Variants in GOLGA7 observed in about 807,000 individuals in gnomAD.
GOLGA7 encodes the protein golgin A7, also known as golgin subfamily A member 7.
In GOLGA7, 10 loss-of-function variants were observed where a neutral mutation model predicts 21.1. The ratio of observed to expected loss-of-function variants is 0.47; its 90% CI spans 0.29 to 0.80. The LOEUF (loss-of-function observed/expected upper bound fraction) is 0.80, where lower values mean the gene tolerates loss of function less well. Among genes scored for constraint, GOLGA7 ranks in the 30% least tolerant of loss-of-function variants. The probability of loss-of-function intolerance (pLI) is 0.08; values close to 1 mark genes in which losing one functional copy is unlikely to be tolerated. For synonymous variants in GOLGA7, 64 were observed against 62.6 expected, an observed-to-expected ratio of 1.02 and a Z score of -0.10; for missense variants, 114 against 166.8, an observed-to-expected ratio of 0.68 and a Z score of 1.74.
intron 2 of GOLGA7, among the ~76,000 whole-genome samples, chr8:41,504,763 A>G (rs1806242969): frequency 6.6e-6 from 1 of 152,254 alleles, no homozygotes; most frequent in Non-Finnish European, 1.5e-5. Context: ...AAAATTCTTT[A>G]TATGAAACAG....
At position 41,507,230 on chromosome 8, in the gene GOLGA7, A is replaced by G. The variant is rs1186862440; in HGVS notation, c.*15+109A>G. 3 of 684,042 alleles carry G rather than the reference A, an allele frequency of 4.4e-6. No individual in the cohort carries two copies. The East Asian group carries it at 7.8e-5, about 18-fold the overall frequency. The allele number at this position is 684,042 out of a possible 1,614,324, so 42.4% of individuals were successfully genotyped here. A position where few individuals can be genotyped will look rare whatever the true frequency, so the allele number is the denominator to read the frequency against. On this transcript the variant is annotated intron_variant, in intron 4 of 4. Coordinates refer to ENST00000357743, the MANE Select transcript of GOLGA7 (RefSeq NM_001002296.2). ...TCATTAAATCACGCAGTTAAATAAC[A>G]GTATATTTGCTGTGTTAGCTTAAGC... is the stretch of plus-strand genomic sequence containing the variant.
intron 4 of GOLGA7, among the ~76,000 whole-genome samples, chr8:41,508,419 G>A (rs928629374): frequency 1.3e-5 from 2 of 152,142 alleles, no homozygotes; most frequent in Non-Finnish European, 2.9e-5. Flanking sequence ...TCTGCCATAT[G>A]TTGTATTTCC....
At chr8:41,496,323 T>A (rs896450017) in intron 1 of GOLGA7, among the ~76,000 whole-genome samples, 2 of 152,004 alleles carry the variant, frequency 1.3e-5, no homozygotes, top group Non-Finnish European at 2.9e-5. Flanking sequence ...GCATTTTGAC[T>A]GTGACCCCTC....
intron 2 of GOLGA7, among the ~76,000 whole-genome samples, chr8:41,504,137 C>CA (rs60072817): frequency 1.3e-4 from 9 of 67,668 alleles, no homozygotes; most frequent in African/African-American, 3.0e-4. Flanking sequence ...AAAAAAAAAA[C>CA]AAAACAAAAC....
intron 2 of GOLGA7, among the ~76,000 whole-genome samples, chr8:41,499,054 C>A (rs1806086915): frequency 6.6e-6 from 1 of 152,198 alleles, no homozygotes; most frequent in Non-Finnish European, 1.5e-5. Context: ...CCATCCTGTT[C>A]CATCTCATAT....
chr8:41,507,706 T>G (rs1230714136), intron 4 of GOLGA7, among the ~76,000 whole-genome samples: 1 of 152,220 alleles, frequency 6.6e-6, no homozygotes, highest in Non-Finnish European at 1.5e-5. Flanking sequence ...AAATTAATAC[T>G]ACTAAGAATC....
Position 41,497,509 on chromosome 8 carries a change from A to T in GOLGA7, c.112A>T (p.Ile38Phe). Residue 38 changes from isoleucine to phenylalanine, a missense_variant and splice_region_variant, in exon 2 of 5, where the codon ATT becomes TTT. Physicochemically the swap from Ile to Phe is conservative, Grantham distance 21. Coordinates refer to ENST00000357743, the MANE Select transcript of GOLGA7 (RefSeq NM_001002296.2). ...TKFPAELENR[I>F]DRQQFEETVR... ...TTTTTAAATATTTTCTTCTCTACAG[A>T]TTGATAGGCAGCAGTTTGAAGAAAC... is the stretch of plus-strand genomic sequence containing the variant. 1 of 1,506,670 alleles carries T rather than the reference A, an allele frequency of 6.6e-7. No homozygotes were observed. Among genetic ancestry groups the T allele is most frequent in the Non-Finnish European group, 9.1e-7 (1 of 1,097,720 alleles). The allele number at this position is 1,506,670 out of a possible 1,614,324, so 93.3% of individuals were successfully genotyped here. A position where few individuals can be genotyped will look rare whatever the true frequency, so the allele number is the denominator to read the frequency against.
chr8:41,499,071 G>T (rs1806087313), intron 2 of GOLGA7, among the ~76,000 whole-genome samples: 2 of 152,304 alleles, frequency 1.3e-5, no homozygotes, highest in African/African-American at 4.8e-5. Flanking sequence ...ATATAAACAG[G>T]TATATTTAAG....
intron 1 of GOLGA7, among the ~76,000 whole-genome samples, chr8:41,492,031 C>T (rs1231904489): frequency 1.3e-5 from 2 of 152,116 alleles, no homozygotes; most frequent in Admixed American, 6.6e-5. Context: ...TTGCACTGCC[C>T]GATTTCCATG....
chr8:41,508,600 T>C (rs188409599), intron 4 of GOLGA7, among the ~76,000 whole-genome samples: 71 of 152,342 alleles, frequency 4.7e-4, no homozygotes, highest in Admixed American at 2.2e-3. Flanking sequence ...AGCCCATTTG[T>C]CATGACTCAT....
chr8:41,504,933 C>T (rs1250160845), intron 2 of GOLGA7, among the ~76,000 whole-genome samples: 2 of 152,032 alleles, frequency 1.3e-5, no homozygotes, highest in Admixed American at 1.3e-4. Flanking sequence ...AAGTTGTGAT[C>T]ACATTTGTGA....
chr8:41,507,214 C>A, intron 4 of GOLGA7, 93 bp downstream of exon 4: 1 of 722,468 alleles, frequency 1.4e-6, no homozygotes, highest in Non-Finnish European at 2.6e-6. Context: ...ATCATTAAAT[C>A]ACGCAGTTAA....
At chr8:41,505,879 T>C in intron 2 of GOLGA7, 32 bp from the exon 3 acceptor site, 1 of 1,125,352 alleles carries the variant, frequency 8.9e-7, no homozygotes, top group African/African-American at 1.6e-5. Context: ...CTGATGAAGT[T>C]TGTAAGAAGC....
chr8:41,504,642 A>G (rs1249377212), intron 2 of GOLGA7, among the ~76,000 whole-genome samples: 1 of 152,232 alleles, frequency 6.6e-6, no homozygotes, highest in African/African-American at 2.4e-5. Flanking sequence ...AGAACCATGC[A>G]GATTGCTCTT....
chr8:41,503,027 C>T (rs1229739901), intron 2 of GOLGA7, among the ~76,000 whole-genome samples: 2 of 151,842 alleles, frequency 1.3e-5, no homozygotes, highest in Admixed American at 6.6e-5. Flanking sequence ...AGAGTTTTAT[C>T]GTTTGTTTTA....
In GOLGA7 at chr8:41,507,085, A is replaced by T; in HGVS notation, c.393A>T (p.Arg131Ser). 1 of 1,348,382 alleles carries T rather than the reference A, an allele frequency of 7.4e-7. No individual in the cohort carries two copies. Among genetic ancestry groups the T allele is most frequent in the Non-Finnish European group, 1.1e-6 (1 of 937,312 alleles). The allele number at this position is 1,348,382 out of a possible 1,614,324, so 83.5% of individuals were successfully genotyped here. The change falls in exon 4 of 5, where the codon AGA (arginine) becomes AGT (serine). Residue 131 changes from arginine (R) to serine (S), a missense_variant. Arg to Ser is a moderately radical substitution (Grantham distance 110). Transcript: ENST00000357743. ...TTGAAATTACCATTTATGAAGACAGAGGCATGAGCAGTGGAAGATAAACCG... is the reference window on the plus strand; with the variant it reads ...TTGAAATTACCATTTATGAAGACAGTGGCATGAGCAGTGGAAGATAAACCG... ...RVIEITIYED[R>S]GMSSGR
At chr8:41,501,102 T>A (rs1806139868) in intron 2 of GOLGA7, among the ~76,000 whole-genome samples, 1 of 152,198 alleles carries the variant, frequency 6.6e-6, no homozygotes, top group Non-Finnish European at 1.5e-5. Flanking sequence ...TTTAATTGTA[T>A]TTGTCAAAGT....
At chr8:41,501,491 G>T (rs1376145980) in intron 2 of GOLGA7, among the ~76,000 whole-genome samples, 1 of 152,032 alleles carries the variant, frequency 6.6e-6, no homozygotes, top group African/African-American at 2.4e-5. Context: ...TAATCCACCT[G>T]CATTGGCCTC....
At chr8:41,498,631 C>G (rs1267158843) in intron 2 of GOLGA7, among the ~76,000 whole-genome samples, 3 of 152,222 alleles carry the variant, frequency 2.0e-5, no homozygotes, top group African/African-American at 7.2e-5. Context: ...AGTCAGAATT[C>G]TTTCTCTTCT....
Sources: gnomAD v4.1 joint callset for allele counts (sites outside exome capture counted in the v4.1 genomes callset) on GRCh38, gnomAD v4.1.1 for gene constraint, MANE v1.5 for transcripts, NCBI Gene and HGNC (gene_info 2026-07-23, HGNC 2026-07-21) for gene names.